RNF180: variants seen among roughly 807,000 people sequenced by gnomAD.
The protein encoded by RNF180 is E3 ubiquitin-protein ligase RNF180.
Under a neutral mutation model 59.2 loss-of-function variants are expected in RNF180, and 38 were observed. The observed-to-expected ratio is 0.64, with a 90% CI of 0.50 to 0.84. The LOEUF (loss-of-function observed/expected upper bound fraction) is 0.84, where lower values mean the gene tolerates loss of function less well. Ranked by LOEUF, RNF180 falls within the 40% of genes least tolerant of loss-of-function variation. The pLI is 0.00. For synonymous variants in RNF180, 262 were observed against 240.3 expected, an observed-to-expected ratio of 1.09 and a Z score of -0.84; for missense variants, 705 against 700.9, an observed-to-expected ratio of 1.01 and a Z score of -0.07.
At chr5:64,256,275 C>T (rs1324643652) in intron 5 of RNF180, among the ~76,000 whole-genome samples, 2 of 152,110 alleles carry the variant, frequency 1.3e-5, no homozygotes, top group Non-Finnish European at 1.5e-5. Context: ...AGTCCTTGCC[C>T]GTGCCTATGT....
intron 5 of RNF180, among the ~76,000 whole-genome samples, chr5:64,274,465 A>T (rs1304736197): frequency 6.6e-6 from 1 of 151,856 alleles, no homozygotes; most frequent in East Asian, 1.9e-4. Context: ...TTCGTAATTT[A>T]TAATTGTGAG....
chr5:64,181,719 C>T (rs889196884), intron 1 of RNF180, among the ~76,000 whole-genome samples: 7 of 151,738 alleles, frequency 4.6e-5, no homozygotes, highest in African/African-American at 1.5e-4. Flanking sequence ...GCTGTGTGTA[C>T]GAAGAAAAAT....
intron 1 of RNF180, among the ~76,000 whole-genome samples, chr5:64,171,871 G>T (rs1400584988): frequency 6.6e-6 from 1 of 151,948 alleles, no homozygotes; most frequent in South Asian, 2.1e-4. Flanking sequence ...ACAGCATCTG[G>T]GTATAAGGAA....
At chr5:64,185,013 G>C (rs1285306971) in intron 1 of RNF180, among the ~76,000 whole-genome samples, 1 of 152,120 alleles carries the variant, frequency 6.6e-6, no homozygotes, top group Admixed American at 6.5e-5. Context: ...ACTCCTGACT[G>C]TCCTTTCTGT....
Position 64,174,073 on chromosome 5 carries a change from T to C in RNF180, c.-1+8120T>C, listed in dbSNP as rs188283615. ...TTTTGCAGATTTTGTCTTTCTGTGCTTGGTTTATTTCACTTAATATAATGT... is the reference window on the plus strand; with the variant it reads ...TTTTGCAGATTTTGTCTTTCTGTGCCTGGTTTATTTCACTTAATATAATGT... On this transcript the variant is annotated intron_variant, in intron 1 of 7. Coordinates refer to ENST00000389100, the MANE Select transcript of RNF180 (RefSeq NM_001113561.2). Among the ~76,000 whole-genome samples the C allele has an allele frequency of 5.3e-5, 8 of 152,314 alleles. No individual in the cohort carries two copies. The East Asian group carries it at 1.4e-3, about 26-fold the overall frequency.
intron 1 of RNF180, among the ~76,000 whole-genome samples, chr5:64,174,913 G>A (rs1750144161): frequency 6.8e-6 from 1 of 147,362 alleles, no homozygotes. Flanking sequence ...TTTTCTTCTG[G>A]TAGTTTGATA....
chr5:64,288,782 G>C (rs767769380), intron 5 of RNF180, among the ~76,000 whole-genome samples: 1 of 152,168 alleles, frequency 6.6e-6, no homozygotes. Context: ...ATCAGCTTAA[G>C]ATTTTGGCCT....
rs763343713 is a variant in RNF180 at position 64,214,013 on chromosome 5, T to C, written c.687T>C (p.His229=). 3 of 1,614,014 alleles carry C rather than the reference T, an allele frequency of 1.9e-6. No individual in the cohort carries two copies. In the East Asian group the frequency reaches 6.7e-5, roughly 36 times the overall value. The change falls in exon 4 of 8, where the codon CAT becomes CAC. Residue 229 remains histidine (H), a synonymous_variant. Coordinates refer to ENST00000389100, the MANE Select transcript of RNF180 (RefSeq NM_001113561.2). ...CAAGAGCTTTTCATAGAAAATCACATAGTTTGGATCTGAACATCAGTGAGA... is the reference window on the plus strand; with the variant it reads ...CAAGAGCTTTTCATAGAAAATCACACAGTTTGGATCTGAACATCAGTGAGA... ...CATRAFHRKS[H]SLDLNISEKL...
chr5:64,245,299 C>T (rs1743083843), intron 5 of RNF180, among the ~76,000 whole-genome samples: 1 of 152,070 alleles, frequency 6.6e-6, no homozygotes. Flanking sequence ...GGGCTAAATG[C>T]CCTAATTAAA....
At chr5:64,330,883 T>C (rs139873499) in intron 7 of RNF180, among the ~76,000 whole-genome samples, 1 of 152,322 alleles carries the variant, frequency 6.6e-6, no homozygotes, top group Non-Finnish European at 1.5e-5. Context: ...CAGGCAAAGT[T>C]GCAGCCACCC....
chr5:64,349,301 G>T (rs1286284033), intron 7 of RNF180, among the ~76,000 whole-genome samples: 1 of 151,262 alleles, frequency 6.6e-6, no homozygotes, highest in African/African-American at 2.4e-5. Flanking sequence ...GGATTTTGTT[G>T]TTGTTGTTGT....
intron 2 of RNF180, among the ~76,000 whole-genome samples, chr5:64,208,329 A>T (rs1271234697): frequency 1.3e-5 from 2 of 151,820 alleles, no homozygotes; most frequent in Admixed American, 6.6e-5. Flanking sequence ...CTGTTTAGTA[A>T]TTTTTTTACA....
Position 64,190,784 on chromosome 5 carries a change from G to A in RNF180, c.1-10024G>A, listed in dbSNP as rs145293503. On this transcript the variant is annotated intron_variant, in intron 1 of 7. Transcript: ENST00000389100. ...GGCCATGTGAGGACACAGTAAGAAT[G>A]TGGCTGTCTGCAAGCCAAAATGAGA... Among the ~76,000 whole-genome samples, 353 of 152,306 alleles carry A rather than the reference G, an allele frequency of 2.3e-3. 5 individuals are homozygous for A. The East Asian group carries it at 0.059, about 25-fold the overall frequency.
chr5:64,325,612 G>C (rs1373397360), intron 6 of RNF180, among the ~76,000 whole-genome samples: 1 of 152,114 alleles, frequency 6.6e-6, no homozygotes, highest in Non-Finnish European at 1.5e-5. Flanking sequence ...ATTCCCTACT[G>C]TACACTCAGA....
chr5:64,305,946 C>A (rs1743424297), intron 5 of RNF180, among the ~76,000 whole-genome samples: 1 of 151,626 alleles, frequency 6.6e-6, no homozygotes, highest in African/African-American at 2.4e-5. Flanking sequence ...TACATGGTTT[C>A]AATTGCTTCC....
intron 5 of RNF180, among the ~76,000 whole-genome samples, chr5:64,294,369 A>G (rs1561244292): frequency 6.6e-6 from 1 of 152,194 alleles, no homozygotes; most frequent in Admixed American, 6.5e-5. Context: ...TACACCTGCT[A>G]TATACACACA....
At chr5:64,300,435 C>T (rs954102058) in intron 5 of RNF180, among the ~76,000 whole-genome samples, 5 of 151,656 alleles carry the variant, frequency 3.3e-5, no homozygotes, top group Admixed American at 2.0e-4. Flanking sequence ...TATGATGGTT[C>T]GAATTACAAT....
intron 5 of RNF180, among the ~76,000 whole-genome samples, chr5:64,276,374 G>GGC (rs1554038848): frequency 6.2e-5 from 9 of 145,352 alleles, no homozygotes; most frequent in Non-Finnish European, 1.2e-4. Context: ...AAACCACATT[G>GGC]GTGTGTGTGT....
intron 5 of RNF180, among the ~76,000 whole-genome samples, chr5:64,224,366 A>G (rs1056579571): frequency 2.0e-5 from 3 of 152,176 alleles, no homozygotes; most frequent in African/African-American, 7.2e-5. Context: ...CCAACACCTA[A>G]TATAGGCCCT....
Sources: allele counts gnomAD v4.1 joint callset (sites outside exome capture counted in the v4.1 genomes callset), GRCh38; gene constraint gnomAD v4.1.1; transcripts MANE v1.5; gene names NCBI Gene and HGNC (gene_info 2026-07-23, HGNC 2026-07-21).